Variants in CEP85L observed in about 807,000 individuals in gnomAD.
The protein encoded by CEP85L is centrosomal protein 85L.
CEP85L carries 60 observed loss-of-function variants against 100.3 expected under a neutral mutation model. The observed-to-expected ratio is 0.60, with a 90% CI of 0.49 to 0.74. The LOEUF is 0.74. Among genes scored for constraint, CEP85L ranks in the 30% least tolerant of loss-of-function variants. The probability of loss-of-function intolerance (pLI) is 0.00; values close to 1 mark genes in which losing one functional copy is unlikely to be tolerated. For synonymous variants in CEP85L, 319 were observed against 322.7 expected (o/e 0.99, Z 0.12); for missense variants, 973 against 936.2 (o/e 1.04, Z -0.51).
At chr6:118,570,615 T>C (rs564950000) in intron 2 of CEP85L, among the ~76,000 whole-genome samples, 1 of 152,280 alleles carries the variant, frequency 6.6e-6, no homozygotes, top group South Asian at 2.1e-4. Context: ...AATTCTCAAA[T>C]CTTGGCATAA....
intron 1 of CEP85L, among the ~76,000 whole-genome samples, chr6:118,675,268 T>G (rs561740562): frequency 9.1e-4 from 138 of 152,108 alleles, no homozygotes; most frequent in African/African-American, 3.3e-3. Context: ...ACACTTTATA[T>G]TATATATATT....
rs1781693318 is a variant in CEP85L, at chr6:118,600,303, GTGTGTGTGTGTGTGTGT to G, written c.232+32133_232+32149del. On this transcript the variant is annotated intron_variant, in intron 2 of 12. Transcript: ENST00000368491. ...CCTGTCCCTGAGCCTTCCTGGGGGT[GTGTGTGTGTGTGTGTGT>G]GTGTGTGTGTGTGTGTGTGTGTGTG... Among the ~76,000 whole-genome samples the G allele has an allele frequency of 3.1e-3, 107 of 34,000 alleles. 13 individuals are homozygous for G. Among genetic ancestry groups the G allele is most frequent in the South Asian group, 5.5e-3 (4 of 722 alleles). 22.3% of individuals were successfully genotyped at this position (34,000 alleles called of 152,430 possible).
chr6:118,536,632 C>T (rs1777610189), intron 3 of CEP85L, among the ~76,000 whole-genome samples: 1 of 152,112 alleles, frequency 6.6e-6, no homozygotes. Context: ...AAGTTCCTAT[C>T]TCATCATCAC....
chr6:118,680,531 AT>A (rs1776624162), intron 1 of CEP85L, among the ~76,000 whole-genome samples: 1 of 151,990 alleles, frequency 6.6e-6, no homozygotes, highest in Admixed American at 6.6e-5. Context: ...CAGGAAAGCA[AT>A]TTATTTCTAA....
At chr6:118,666,417 C>T (rs1420448197) in intron 1 of CEP85L, among the ~76,000 whole-genome samples, 1 of 152,192 alleles carries the variant, frequency 6.6e-6, no homozygotes, top group Non-Finnish European at 1.5e-5. Context: ...GAATTAAAAG[C>T]CTGGCTTGAC....
chr6:118,567,245 G>GTATATA (rs1779593418), intron 2 of CEP85L, among the ~76,000 whole-genome samples: 3 of 31,634 alleles, frequency 9.5e-5, no homozygotes, highest in African/African-American at 3.0e-4. Flanking sequence ...GTGTGTGTGT[G>GTATATA]TGTGTATATA....
chr6:118,587,642 G>A (rs1422651660), intron 2 of CEP85L, among the ~76,000 whole-genome samples: 1 of 152,106 alleles, frequency 6.6e-6, no homozygotes. Context: ...ACCCTTGTAT[G>A]ATGTTTGCTA....
At chr6:118,568,915 T>A (rs1464996659) in intron 2 of CEP85L, among the ~76,000 whole-genome samples, 2 of 152,120 alleles carry the variant, frequency 1.3e-5, no homozygotes, top group Admixed American at 6.5e-5. Context: ...GTAGTTATAC[T>A]AAAATCATCA....
At chr6:118,702,369 A>G (rs1352099590) in intron 1 of CEP85L, among the ~76,000 whole-genome samples, 1 of 151,982 alleles carries the variant, frequency 6.6e-6, no homozygotes, top group Non-Finnish European at 1.5e-5. Context: ...TAAATTAGCC[A>G]GGCGTGGTGA....
intron 2 of CEP85L, among the ~76,000 whole-genome samples, chr6:118,612,733 G>GA (rs967258128): frequency 7.5e-6 from 1 of 133,154 alleles, no homozygotes; most frequent in African/African-American, 2.9e-5. Flanking sequence ...CAAGAACCTA[G>GA]AAAAAAAGAA....
At position 118,480,382 on chromosome 6, in the gene CEP85L, A is replaced by T. The variant is rs1302444172; in HGVS notation, c.1863+14T>A. On this transcript the variant is annotated intron_variant, in intron 9 of 12. Transcript: ENST00000368491. ...GCATAGATTTCACGTTTATGATCTA[A>T]GGTATCTACTGACCTTACTAGCAGT... 1 of 1,406,776 alleles carries T rather than the reference A, an allele frequency of 7.1e-7. No individual in the cohort carries two copies. Among genetic ancestry groups the T allele is most frequent in the Non-Finnish European group, 1.0e-6 (1 of 996,128 alleles). The allele number at this position is 1,406,776 out of a possible 1,614,324, so 87.1% of individuals were successfully genotyped here. A position where few individuals can be genotyped will look rare whatever the true frequency, so the allele number is the denominator to read the frequency against.
chr6:118,653,749 ATG>A (rs61103713), upstream of CEP85L, among the ~76,000 whole-genome samples: 1,345 of 147,848 alleles, frequency 9.1e-3, 12 homozygotes, highest in African/African-American at 0.017. Flanking sequence ...GACTCTGTGT[ATG>A]TGTGTGTGTG....
In CEP85L at chr6:118,590,257, G is replaced by C. The variant is rs138945897; in HGVS notation, c.233-23941C>G. 3.5e-3 allele frequency among the ~76,000 whole-genome samples: 530 copies of C among 152,250 alleles called. 3 individuals carry two copies. Among genetic ancestry groups the C allele is most frequent in the South Asian group, 6.0e-3 (29 of 4,828 alleles). The stretch of plus-strand genomic sequence containing the variant: ...ATTTACAAACTTAAAAAAACAGATA[G>C]GACAAGGGGTCCTTGGCAAGGTTTT... On this transcript the variant is annotated intron_variant, in intron 2 of 12. Transcript: ENST00000368491.
rs563208370 is a variant in CEP85L, at chr6:118,573,675, TACCA to T, written c.233-7363_233-7360del. On this transcript the variant is annotated intron_variant, in intron 2 of 12. Transcript: ENST00000368491. ...ACCAGTAGAGAATAAAGATTCTGAT[TACCA>T]TTATAGATAGATGGGTATATATTAT... Among the ~76,000 whole-genome samples the T allele has an allele frequency of 1.6e-3, 251 of 152,284 alleles. 1 individual carries two copies. Among genetic ancestry groups the T allele is most frequent in the African/African-American group, 5.0e-3 (208 of 41,558 alleles).
chr6:118,666,599 T>G (rs986674379), intron 1 of CEP85L, among the ~76,000 whole-genome samples: 1 of 152,128 alleles, frequency 6.6e-6, no homozygotes, highest in Admixed American at 6.5e-5. Flanking sequence ...TAACTACCCA[T>G]AGTGGCAGCT....
chr6:118,621,185 G>T (rs1773419021), intron 2 of CEP85L, among the ~76,000 whole-genome samples: 1 of 152,176 alleles, frequency 6.6e-6, no homozygotes, highest in African/African-American at 2.4e-5. Flanking sequence ...AAATGGGACA[G>T]TCCCTGCAAC....
chr6:118,523,987 A>C (rs1040830859), intron 3 of CEP85L, 67 bp from the exon 4 acceptor site: 1 of 612,016 alleles, frequency 1.6e-6, no homozygotes, highest in African/African-American at 2.0e-5. Flanking sequence ...ATATTATCAT[A>C]TTTTCCCAAA....
In CEP85L at chr6:118,460,791, T is replaced by C. The variant is rs1361155775; in HGVS notation, c.*4614A>G. The stretch of plus-strand genomic sequence containing the variant: ...CATAAATCTTTTTATAAAAAATTTA[T>C]TTCTCTGTAAATACAAATTCCAACA... On this transcript the variant is annotated 3_prime_UTR_variant, in exon 13 of 13. Coordinates refer to ENST00000368491, the MANE Select transcript of CEP85L (RefSeq NM_001042475.3). 1 of 152,190 alleles carries C rather than the reference T, an allele frequency of 6.6e-6. No homozygotes were observed. Among genetic ancestry groups the C allele is most frequent in the Non-Finnish European group, 1.5e-5 (1 of 68,028 alleles). The allele number at this position is 152,190 out of a possible 1,614,324, so 9.4% of individuals were successfully genotyped here.
chr6:118,569,536 C>A (rs981475602), intron 2 of CEP85L, among the ~76,000 whole-genome samples: 1 of 150,950 alleles, frequency 6.6e-6, no homozygotes, highest in African/African-American at 2.4e-5. Context: ...GATTCAAATT[C>A]TGGCTCTATC....
Sources: allele counts gnomAD v4.1 joint callset (sites outside exome capture counted in the v4.1 genomes callset), GRCh38; gene constraint gnomAD v4.1.1; transcripts MANE v1.5; gene names NCBI Gene and HGNC (gene_info 2026-07-23, HGNC 2026-07-21).